The following GASK1A variants were observed in gnomAD, a reference collection of about 807,000 sequenced individuals.
GASK1A encodes the protein golgi associated kinase 1A.
A neutral mutation model predicts 41.2 loss-of-function variants in GASK1A; 40 were observed. The observed-to-expected ratio is 0.97, with a 90% CI of 0.75 to 1.27. The LOEUF is 1.27. GASK1A is among the 50% of genes most tolerant of loss of function. GASK1A has a pLI of 0.00. For missense variants in GASK1A, 678 were observed against 745.1 expected (o/e 0.91, Z 1.05); for synonymous variants, 316 against 307.1 (o/e 1.03, Z -0.30).
At chr3:43,042,261 G>C (rs2089641462) in intron 2 of GASK1A, among the ~76,000 whole-genome samples, 1 of 150,144 alleles carries the variant, frequency 6.7e-6, no homozygotes, top group African/African-American at 2.5e-5. Context: ...TTGAGCCCAG[G>C]AGCTCAAGAC....
chr3:42,992,529 C>T (rs546858455), intron 1 of GASK1A, among the ~76,000 whole-genome samples: 80 of 152,294 alleles, frequency 5.3e-4, no homozygotes, highest in African/African-American at 1.9e-3. Context: ...GCTTCTAGAA[C>T]TGTCAGGAGG....
intron 1 of GASK1A, among the ~76,000 whole-genome samples, chr3:42,985,552 T>TGG (rs2089304134): frequency 7.8e-6 from 1 of 128,448 alleles, no homozygotes; most frequent in South Asian, 2.7e-4. Context: ...CATACGTGTG[T>TGG]GTGTGTGTGT....
At chr3:43,018,078 T>C (rs530499516) in intron 1 of GASK1A, among the ~76,000 whole-genome samples, 1 of 152,170 alleles carries the variant, frequency 6.6e-6, no homozygotes, top group Admixed American at 6.5e-5. Context: ...CTGTGTGAAG[T>C]TACGGGAAGT....
At chr3:42,989,136 T>A (rs539811165) in intron 1 of GASK1A, among the ~76,000 whole-genome samples, 1 of 152,180 alleles carries the variant, frequency 6.6e-6, no homozygotes, top group African/African-American at 2.4e-5. Flanking sequence ...ACAAAGGAGA[T>A]GAATGAACTG....
chr3:42,998,168 C>G (rs998498269), intron 1 of GASK1A, among the ~76,000 whole-genome samples: 1 of 152,196 alleles, frequency 6.6e-6, no homozygotes, highest in African/African-American at 2.4e-5. Context: ...AGTTCCAACA[C>G]TGCAGAAGAC....
intron 1 of GASK1A, among the ~76,000 whole-genome samples, chr3:43,016,676 T>C (rs1322818347): frequency 2.1e-5 from 3 of 139,562 alleles, no homozygotes; most frequent in Non-Finnish European, 3.1e-5. Context: ...CCACAGCAAG[T>C]GGCTGAGTGA....
chr3:42,979,362 C>G lies in GASK1A; in HGVS notation c.-281C>G. 2.6e-6 allele frequency: 1 copy of G among 381,960 alleles called. No individual in the cohort carries two copies. Among genetic ancestry groups the G allele is most frequent in the Non-Finnish European group, 4.6e-6 (1 of 216,490 alleles). The allele number at this position is 381,960 out of a possible 1,614,324, so 23.7% of individuals were successfully genotyped here. On this transcript the variant is annotated 5_prime_UTR_variant, in exon 1 of 5. Transcript: ENST00000430121. The stretch of plus-strand genomic sequence containing the variant: ...AGTAGACCGCAGAGGCTCGCGGCCG[C>G]GGGTAGGCTCCCTCAGATCCCCGTA...
At chr3:42,979,714 ACGCGCAGCGGCCCAGGGCG>A in intron 1 of GASK1A, 69 bp downstream of exon 1, 1 of 1,240,234 alleles carries the variant, frequency 8.1e-7, no homozygotes, top group Non-Finnish European at 1.0e-6. Context: ...GCTGCAGTCA[ACGCGCAGCGGCCCAGGGCG>A]CGCGCAGCCT....
chr3:43,036,682 C>CA (rs1006285277), intron 2 of GASK1A, among the ~76,000 whole-genome samples: 2 of 152,098 alleles, frequency 1.3e-5, no homozygotes, highest in African/African-American at 2.4e-5. Flanking sequence ...CAATTGGATT[C>CA]AACTGAGGTG....
chr3:43,022,903 A>G (rs1226672060), intron 1 of GASK1A, among the ~76,000 whole-genome samples: 1 of 152,252 alleles, frequency 6.6e-6, no homozygotes, highest in Non-Finnish European at 1.5e-5. Flanking sequence ...AGCAGTTAAA[A>G]AGAGTAAAGC....
At chr3:42,991,120 GAGTCTCCTGGGGGCTTCTCTTCTATA>G (rs940722797) in intron 1 of GASK1A, among the ~76,000 whole-genome samples, 1 of 152,046 alleles carries the variant, frequency 6.6e-6, no homozygotes, top group African/African-American at 2.4e-5. Context: ...GAGGTCTTGG[GAGTCTCCTGGGGGCTTCTCTTCTATA>G]AGTCTCCTTT....
intron 2 of GASK1A, chr3:43,037,383 C>T: frequency 1.0e-6 from 1 of 967,304 alleles, no homozygotes; most frequent in Non-Finnish European, 1.7e-6. Flanking sequence ...TTGAAATGCA[C>T]TAAGTACAGA....
intron 4 of GASK1A, 101 bp from the exon 5 acceptor site, chr3:43,056,075 C>A (rs2089714239): frequency 7.6e-6 from 7 of 921,756 alleles, no homozygotes; most frequent in African/African-American, 1.7e-5. Flanking sequence ...AGTTCCTCAG[C>A]TATGCAAGCT....
At chr3:43,008,527 T>A (rs1437686363) in intron 1 of GASK1A, among the ~76,000 whole-genome samples, 1 of 152,218 alleles carries the variant, frequency 6.6e-6, no homozygotes, top group African/African-American at 2.4e-5. Context: ...ATAGACTCAC[T>A]GAAGGAAAAA....
Position 43,053,648 on chromosome 3 carries a change from G to A in GASK1A, c.1413+5G>A, listed in dbSNP as rs776900183. On this transcript the variant is annotated splice_donor_5th_base_variant and intron_variant, in intron 3 of 4. Transcript: ENST00000430121. ...CTGCGGCTGGTCCACATCCTGGTAC[G>A]TCTCCTCCACACCATCCCCTTGTCA... 1.5e-5 allele frequency: 23 copies of A among 1,551,542 alleles called. No homozygotes were observed. Among genetic ancestry groups the A allele is most frequent in the Middle Eastern group, 1.7e-4 (1 of 6,014 alleles).
chr3:43,042,294 C>T (rs1286830775), intron 2 of GASK1A, among the ~76,000 whole-genome samples: 1 of 121,874 alleles, frequency 8.2e-6, no homozygotes, highest in South Asian at 3.1e-4. Context: ...TATAGGGAAA[C>T]CTTGTCCCTA....
At chr3:43,051,317 G>C (rs1353241378) in intron 2 of GASK1A, among the ~76,000 whole-genome samples, 1 of 152,150 alleles carries the variant, frequency 6.6e-6, no homozygotes. Flanking sequence ...GCTGATGATT[G>C]AGCAGGAGAT....
intron 2 of GASK1A, among the ~76,000 whole-genome samples, chr3:43,049,424 A>T (rs2089677940): frequency 6.6e-6 from 1 of 152,188 alleles, no homozygotes; most frequent in Non-Finnish European, 1.5e-5. Context: ...ATAATAGGGT[A>T]TTAGAGGAAA....
chr3:43,011,819 A>C (rs1242461116), intron 1 of GASK1A, among the ~76,000 whole-genome samples: 1 of 148,644 alleles, frequency 6.7e-6, no homozygotes, highest in Admixed American at 6.7e-5. Flanking sequence ...GTCAGTATGA[A>C]GCCACAGGAA....
Sources: gnomAD v4.1 joint callset for allele counts (sites outside exome capture counted in the v4.1 genomes callset) on GRCh38, gnomAD v4.1.1 for gene constraint, MANE v1.5 for transcripts, NCBI Gene and HGNC (gene_info 2026-07-23, HGNC 2026-07-21) for gene names.